Variants in SYNE2 observed in about 807,000 individuals in gnomAD.
The protein encoded by SYNE2 is spectrin repeat containing nuclear envelope protein 2, also known as nesprin-2.
In SYNE2, 431 loss-of-function variants were observed where a neutral mutation model predicts 856.3. That is an observed-to-expected ratio of 0.50 (90% CI 0.47 to 0.55). The LOEUF is 0.55. SYNE2 is among the 20% of genes least tolerant of loss of function. The pLI is 0.00. For synonymous variants in SYNE2, 2,923 were observed against 2,872.3 expected (o/e 1.02, Z -0.56); for missense variants, 8,129 against 8,023.2 (o/e 1.01, Z -0.50).
In SYNE2 at chr14:64,037,509, GAA is replaced by G. The variant is rs1305247427; in HGVS notation, c.7221+6155_7221+6156del. Among the ~76,000 whole-genome samples, 43 of 152,312 alleles carry G rather than the reference GAA, an allele frequency of 2.8e-4. No homozygotes were observed. In the East Asian group the frequency reaches 8.1e-3, roughly 29 times the overall value. ...AATTTTTCTTAGTACAGAACAAACT[GAA>G]AAGTCTCCCATGTCTACTTCTTTCT... On this transcript the variant is annotated intron_variant, in intron 45 of 115. Coordinates refer to ENST00000555002, the MANE Select transcript of SYNE2 (RefSeq NM_182914.3).
chr14:64,055,376 T>TC (rs1456368059), intron 48 of SYNE2, among the ~76,000 whole-genome samples: 1 of 150,074 alleles, frequency 6.7e-6, no homozygotes, highest in East Asian at 1.9e-4. Context: ...ACTTTTTTTT[T>TC]TTTTTTTTTT....
chr14:64,027,410 G>A, intron 42 of SYNE2, 74 bp from the exon 43 acceptor site: 2 of 937,456 alleles, frequency 2.1e-6, no homozygotes, highest in East Asian at 2.6e-5. Flanking sequence ...TAGGATGTGT[G>A]TTACATAATA....
rs745406249 is a variant in SYNE2 at position 64,220,488 on chromosome 14, G to A, written c.19912G>A (p.Val6638Met). The change falls in exon 111 of 116, where the codon GTG becomes ATG. Residue 6638 changes from valine to methionine, a missense_variant. This residue lies in a region of SYNE2 where 5,410 missense variants were observed against 5,284.8 expected (regional missense o/e 1.02). Coordinates refer to ENST00000555002, the MANE Select transcript of SYNE2 (RefSeq NM_182914.3). ...TYKALVVSVNVSSKEFLQTES... is the reference protein window; with the variant it reads ...TYKALVVSVNMSSKEFLQTES... ...CAAGGCATTAGTGGTCTCTGTCAAC[G>A]TGAGCAGCAAGGAATTTCTGCAAAC... The A allele has an allele frequency of 6.2e-6, 10 of 1,614,202 alleles. No individual in the cohort carries two copies. Among genetic ancestry groups the A allele is most frequent in the East Asian group, 4.5e-5 (2 of 44,890 alleles).
intron 100 of SYNE2, among the ~76,000 whole-genome samples, chr14:64,204,547 A>G (rs945588461): frequency 2.6e-5 from 4 of 152,258 alleles, no homozygotes; most frequent in Non-Finnish European, 4.4e-5. Flanking sequence ...TCCCAAAAGC[A>G]TACAGTTTGG....
chr14:64,036,057 T>A lies in SYNE2; in HGVS notation c.7221+4700T>A, dbSNP rs563445410. 1.4e-4 allele frequency among the ~76,000 whole-genome samples: 21 copies of A among 152,242 alleles called. No homozygotes were observed. In the South Asian group the frequency reaches 4.4e-3, roughly 32 times the overall value. On this transcript the variant is annotated intron_variant, in intron 45 of 115. Coordinates refer to ENST00000555002, the MANE Select transcript of SYNE2 (RefSeq NM_182914.3). Reference sequence around the variant, plus strand: ...TAAACACATTCAAATAGGTTTTCTTTACTGTGTGACCTTTTAAATCCTTTA... The same window carrying A: ...TAAACACATTCAAATAGGTTTTCTTAACTGTGTGACCTTTTAAATCCTTTA...
intron 70 of SYNE2, among the ~76,000 whole-genome samples, chr14:64,122,702 C>A (rs1002891321): frequency 3.3e-5 from 5 of 152,166 alleles, no homozygotes; most frequent in Admixed American, 6.5e-5. Context: ...GGAAGAAAGA[C>A]AGATCATGTC....
chr14:63,875,580 G>T (rs573468430), intron 1 of SYNE2, among the ~76,000 whole-genome samples: 1 of 152,016 alleles, frequency 6.6e-6, no homozygotes, highest in East Asian at 1.9e-4. Context: ...TGGAAACAGA[G>T]ACCTTTATGG....
chr14:63,968,857 T>A (rs942877002), intron 11 of SYNE2, among the ~76,000 whole-genome samples: 5 of 152,196 alleles, frequency 3.3e-5, no homozygotes, highest in Non-Finnish European at 7.3e-5. Flanking sequence ...GTTACACTCT[T>A]CAAGTTATTT....
At chr14:64,065,353 C>A (rs1396383495) in intron 50 of SYNE2, 79 bp from the exon 51 acceptor site, 2 of 1,223,278 alleles carry the variant, frequency 1.6e-6, no homozygotes, top group Admixed American at 1.9e-5. Flanking sequence ...ATTAATTGTT[C>A]AGGATTTAAA....
chr14:63,822,760 C>T (rs1030762097), intron 1 of SYNE2, among the ~76,000 whole-genome samples: 2 of 152,136 alleles, frequency 1.3e-5, no homozygotes, highest in Non-Finnish European at 1.5e-5. Flanking sequence ...CCAACACACG[C>T]ACAGAGCAGT....
chr14:63,894,643 G>A (rs2140994381), intron 1 of SYNE2, among the ~76,000 whole-genome samples: 1 of 152,258 alleles, frequency 6.6e-6, no homozygotes, highest in South Asian at 2.1e-4. Context: ...GGCAGAATGA[G>A]GGAATGGAGG....
In SYNE2 at chr14:64,022,776, G is replaced by C. The variant is rs1336129288; in HGVS notation, c.5550G>C (p.Trp1850Cys). 1.2e-6 allele frequency: 2 copies of C among 1,606,544 alleles called. No individual in the cohort carries two copies. The highest frequency in any genetic ancestry group is 1.1e-5 in the South Asian group (1 of 90,650). ...LNDQCKNFND[W>C]FSNIKVNLKE... ...ATCAATGCAAGAACTTTAATGACTG[G>C]TTCAGCAACATTAAAGTGAACCTTA... is the stretch of plus-strand genomic sequence containing the variant. The change falls in exon 38 of 116, where the codon TGG (tryptophan) becomes TGC (cysteine). Residue 1850 changes from tryptophan (W) to cysteine (C), a missense_variant. Around this residue, in one of 3 missense-constraint regions of SYNE2, gnomAD observed 2,422 missense variants for 2,357.4 expected, o/e 1.03. Transcript: ENST00000555002.
chr14:64,223,632 ATTTTTGTAT>A (rs958463340), intron 113 of SYNE2, among the ~76,000 whole-genome samples: 7 of 152,068 alleles, frequency 4.6e-5, no homozygotes, highest in African/African-American at 1.2e-4. Context: ...GAAGTGGCTA[ATTTTTGTAT>A]TTTTTGTAGA....
intron 99 of SYNE2, among the ~76,000 whole-genome samples, chr14:64,200,502 A>C (rs899161965): frequency 6.6e-6 from 1 of 152,194 alleles, no homozygotes; most frequent in Non-Finnish European, 1.5e-5. Flanking sequence ...TTTTGGAACC[A>C]GGGCAATCAA....
rs2098717543 is a variant in SYNE2 at position 64,226,193 on chromosome 14, A to AAAT, written c.*668_*670dup. The stretch of plus-strand genomic sequence containing the variant: ...TGTAAACTTCGATTTTTTTTTAAAA[A>AAAT]AATTAGATTTTAGCTGGAGCTTTTG... On this transcript the variant is annotated 3_prime_UTR_variant, in exon 116 of 116. Coordinates refer to ENST00000555002, the MANE Select transcript of SYNE2 (RefSeq NM_182914.3). 6.5e-6 allele frequency: 1 copy of AAAT among 152,756 alleles called. No homozygotes were observed. Among genetic ancestry groups the AAAT allele is most frequent in the Admixed American group, 6.5e-5 (1 of 15,286 alleles). 9.5% of individuals were successfully genotyped at this position (152,756 alleles called of 1,614,324 possible). A position where few individuals can be genotyped will look rare whatever the true frequency, so the allele number is the denominator to read the frequency against.
chr14:63,991,814 A>G (rs1447379321), intron 21 of SYNE2, among the ~76,000 whole-genome samples: 3 of 152,260 alleles, frequency 2.0e-5, no homozygotes, highest in East Asian at 1.9e-4. Context: ...ACTTTATTGA[A>G]CACTTATAAT....
intron 23 of SYNE2, among the ~76,000 whole-genome samples, chr14:63,995,841 G>A (rs1307406329): frequency 6.6e-6 from 1 of 151,904 alleles, no homozygotes; most frequent in Non-Finnish European, 1.5e-5. Flanking sequence ...GTACTTTTTA[G>A]TGTCTTCACA....
intron 1 of SYNE2, among the ~76,000 whole-genome samples, chr14:63,858,817 T>C (rs1484149464): frequency 6.6e-6 from 1 of 152,216 alleles, no homozygotes; most frequent in Non-Finnish European, 1.5e-5. Context: ...CTTTTGAAGA[T>C]ACTGTTCTTA....
intron 64 of SYNE2, 56 bp downstream of exon 64, chr14:64,102,098 G>C: frequency 7.9e-7 from 1 of 1,262,570 alleles, no homozygotes; most frequent in African/African-American, 1.5e-5. Context: ...GGGGGGAGCA[G>C]GGATCTCTTT....
Sources: gnomAD v4.1 joint callset for allele counts (sites outside exome capture counted in the v4.1 genomes callset) on GRCh38, gnomAD v4.1.1 for gene constraint, gnomAD v4.1.1 regional missense constraint, MANE v1.5 for transcripts, NCBI Gene and HGNC (gene_info 2026-07-23, HGNC 2026-07-21) for gene names.